The following ETV6 variants were observed in gnomAD, a reference collection of about 807,000 sequenced individuals.
The protein encoded by ETV6 is transcription factor ETV6.
A neutral mutation model predicts 51.1 loss-of-function variants in ETV6; 16 were observed. The observed-to-expected ratio is 0.31, with a 90% confidence interval of 0.21 to 0.48. The LOEUF (loss-of-function observed/expected upper bound fraction) is 0.48. Ranked by LOEUF, ETV6 falls within the 20% of genes least tolerant of loss-of-function variation. The pLI is 0.99. For missense variants in ETV6, 458 were observed against 594.8 expected (o/e 0.77, Z 2.39); for synonymous variants, 240 against 224.1 (o/e 1.07, Z -0.64).
intron 2 of ETV6, among the ~76,000 whole-genome samples, chr12:11,831,514 C>A (rs1235652264): frequency 6.6e-6 from 1 of 152,202 alleles, no homozygotes; most frequent in Admixed American, 6.5e-5. Flanking sequence ...TGTGAGCCAC[C>A]ACACCCAGCC....
At chr12:11,809,086 C>CG (rs1414941715) in intron 2 of ETV6, among the ~76,000 whole-genome samples, 1 of 151,446 alleles carries the variant, frequency 6.6e-6, no homozygotes, top group African/African-American at 2.4e-5. Flanking sequence ...GAATGACCTG[C>CG]GCTCAGGAGG....
At chr12:11,784,664 A>G (rs1016679080) in intron 2 of ETV6, among the ~76,000 whole-genome samples, 2 of 151,204 alleles carry the variant, frequency 1.3e-5, no homozygotes, top group Admixed American at 6.6e-5. Flanking sequence ...GGAGTGGGGC[A>G]AGAGGACTTG....
At chr12:11,805,097 G>C (rs1304927692) in intron 2 of ETV6, among the ~76,000 whole-genome samples, 1 of 152,200 alleles carries the variant, frequency 6.6e-6, no homozygotes, top group Non-Finnish European at 1.5e-5. Flanking sequence ...TTGCTGGGCT[G>C]GGGGAGGGTG....
chr12:11,757,579 C>A (rs1365949965), intron 2 of ETV6, among the ~76,000 whole-genome samples: 2 of 152,182 alleles, frequency 1.3e-5, no homozygotes, highest in Non-Finnish European at 2.9e-5. Context: ...ATGAGCTGAC[C>A]GTGTCTCCGA....
At chr12:11,656,787 C>A (rs1864007562) in intron 1 of ETV6, among the ~76,000 whole-genome samples, 1 of 151,660 alleles carries the variant, frequency 6.6e-6, no homozygotes, top group Admixed American at 6.5e-5. Context: ...TCTTTGCCTG[C>A]TTTTTACTTC....
intron 2 of ETV6, among the ~76,000 whole-genome samples, chr12:11,776,268 C>T (rs1393168347): frequency 6.6e-6 from 1 of 151,520 alleles, no homozygotes; most frequent in Non-Finnish European, 1.5e-5. Flanking sequence ...AAAAATGTCC[C>T]AGTATGGAGA....
chr12:11,665,619 G>T (rs1450417116), intron 1 of ETV6, among the ~76,000 whole-genome samples: 1 of 152,224 alleles, frequency 6.6e-6, no homozygotes, highest in Non-Finnish European at 1.5e-5. Flanking sequence ...TATTTATTAA[G>T]CTTCTGTTAC....
intron 2 of ETV6, among the ~76,000 whole-genome samples, chr12:11,817,832 CTAATT>C (rs981280904): frequency 5.9e-5 from 9 of 152,246 alleles, no homozygotes; most frequent in Non-Finnish European, 4.4e-5. Flanking sequence ...ACTCATAACT[CTAATT>C]TAACACGGCG....
chr12:11,738,230 C>CTCCCTCCTTCCCTCCT, intron 1 of ETV6, among the ~76,000 whole-genome samples: 1 of 146,726 alleles, frequency 6.8e-6, no homozygotes, highest in South Asian at 2.2e-4. Flanking sequence ...CCTTCCCTCC[C>CTCCCTCCTTCCCTCCT]TCCCTCCTTC....
intron 1 of ETV6, among the ~76,000 whole-genome samples, chr12:11,695,425 A>G (rs1218638545): frequency 1.3e-5 from 2 of 152,208 alleles, no homozygotes; most frequent in Non-Finnish European, 2.9e-5. Context: ...AGTTTGCCCT[A>G]GCTTCTGTCT....
intron 2 of ETV6, among the ~76,000 whole-genome samples, chr12:11,792,639 A>G (rs1235303824): frequency 1.3e-5 from 2 of 151,346 alleles, no homozygotes; most frequent in African/African-American, 2.4e-5. Flanking sequence ...GTGAGCTGAG[A>G]TTGTGCCACT....
At chr12:11,757,034 G>A (rs957226831) in intron 2 of ETV6, among the ~76,000 whole-genome samples, 2 of 152,146 alleles carry the variant, frequency 1.3e-5, no homozygotes, top group Non-Finnish European at 2.9e-5. Context: ...AAATCGGAAC[G>A]TAGGACTCAT....
intron 5 of ETV6, among the ~76,000 whole-genome samples, chr12:11,880,032 T>TAAAAAAAA (rs59152213): frequency 8.5e-6 from 1 of 117,858 alleles, no homozygotes; most frequent in Non-Finnish European, 1.7e-5. Context: ...GTCAATTGTT[T>TAAAAAAAA]AAAAAAAAAA....
chr12:11,822,004 TC>T (rs1248627544), intron 2 of ETV6, among the ~76,000 whole-genome samples: 1 of 152,230 alleles, frequency 6.6e-6, no homozygotes, highest in Non-Finnish European at 1.5e-5. Flanking sequence ...CATCCGCTGT[TC>T]CTCTGACTGG....
At chr12:11,835,338 G>A (rs1051614562) in intron 2 of ETV6, among the ~76,000 whole-genome samples, 12 of 152,268 alleles carry the variant, frequency 7.9e-5, no homozygotes, top group African/African-American at 4.8e-5. Context: ...TAGGTGCAGA[G>A]TAATGGTCTC....
At chr12:11,745,803 A>G (rs80052702) in intron 1 of ETV6, among the ~76,000 whole-genome samples, 20 of 152,312 alleles carry the variant, frequency 1.3e-4, no homozygotes, top group East Asian at 1.2e-3. Flanking sequence ...GTTAAAGACA[A>G]TGTTAGGATA....
intron 1 of ETV6, among the ~76,000 whole-genome samples, chr12:11,706,501 T>C (rs1461741806): frequency 6.6e-6 from 1 of 152,234 alleles, no homozygotes; most frequent in Non-Finnish European, 1.5e-5. Context: ...TGCTGTCTGT[T>C]TTTCATAGGT....
chr12:11,748,628 T>G (rs899636319), intron 1 of ETV6, among the ~76,000 whole-genome samples: 2 of 152,224 alleles, frequency 1.3e-5, no homozygotes, highest in Non-Finnish European at 2.9e-5. Context: ...ATTCATTTTT[T>G]GACTCTTCTG....
chr12:11,794,362 T>C, intron 2 of ETV6, among the ~76,000 whole-genome samples: 1 of 152,200 alleles, frequency 6.6e-6, no homozygotes, highest in East Asian at 1.9e-4. Flanking sequence ...TCCGTGATCT[T>C]AGGGCTGTGT....
Sources: allele counts gnomAD v4.1 joint callset (sites outside exome capture counted in the v4.1 genomes callset), GRCh38; gene constraint gnomAD v4.1.1; transcripts MANE v1.5; gene names NCBI Gene and HGNC (gene_info 2026-07-23, HGNC 2026-07-21).